The following PTPRD variants were observed in gnomAD, a reference collection of about 807,000 sequenced individuals.
PTPRD encodes the protein receptor-type tyrosine-protein phosphatase delta.
Under a neutral mutation model 214.5 loss-of-function variants are expected in PTPRD, and 34 were observed. That is an observed-to-expected ratio of 0.16 (90% CI 0.12 to 0.21). The LOEUF (loss-of-function observed/expected upper bound fraction) is 0.21. PTPRD is among the 10% of genes least tolerant of loss of function. The probability of loss-of-function intolerance (pLI) is 1.00; values close to 1 mark genes in which losing one functional copy is unlikely to be tolerated. For missense variants in PTPRD, 2,545 were observed against 2,398.7 expected, an observed-to-expected ratio of 1.06 and a Z score of -1.27; for synonymous variants, 1,128 against 845.7, an observed-to-expected ratio of 1.33 and a Z score of -5.79.
chr9:9,780,321 G>C (rs562733012), intron 5 of PTPRD, among the ~76,000 whole-genome samples: 1 of 152,220 alleles, frequency 6.6e-6, no homozygotes, highest in African/African-American at 2.4e-5. Context: ...CTTACTACCT[G>C]AGTGCAATAT....
chr9:8,884,685 A>C (rs1218686827), intron 11 of PTPRD, among the ~76,000 whole-genome samples: 1 of 152,242 alleles, frequency 6.6e-6, no homozygotes, highest in Non-Finnish European at 1.5e-5. Context: ...GCAGTAGGCA[A>C]ATTGAAATCC....
At chr9:10,077,979 C>T (rs898011490) in intron 3 of PTPRD, among the ~76,000 whole-genome samples, 2 of 151,974 alleles carry the variant, frequency 1.3e-5, no homozygotes, top group African/African-American at 4.8e-5. Flanking sequence ...TTTGTATCTC[C>T]TCTACACTTT....
chr9:10,365,208 T>C (rs1004610004), intron 2 of PTPRD, among the ~76,000 whole-genome samples: 3 of 152,164 alleles, frequency 2.0e-5, no homozygotes, highest in African/African-American at 7.2e-5. Context: ...GACAGGCTTT[T>C]TAAAACCACA....
intron 12 of PTPRD, among the ~76,000 whole-genome samples, chr9:8,719,868 A>G (rs1166608958): frequency 1.3e-5 from 2 of 152,224 alleles, no homozygotes; most frequent in Non-Finnish European, 2.9e-5. Context: ...AAAAGAAAAA[A>G]AAAAAACCTT....
chr9:8,375,213 A>T (rs147184736), intron 39 of PTPRD, among the ~76,000 whole-genome samples: 297 of 152,124 alleles, frequency 2.0e-3, no homozygotes, highest in African/African-American at 7.0e-3. Flanking sequence ...CTTAAGAGGC[A>T]CTCAAACAAC....
At chr9:8,327,230 C>T (rs1206361894) in intron 44 of PTPRD, among the ~76,000 whole-genome samples, 1 of 151,738 alleles carries the variant, frequency 6.6e-6, no homozygotes, top group African/African-American at 2.4e-5. Flanking sequence ...TACATTGTGT[C>T]TTTGTTCTCA....
intron 3 of PTPRD, among the ~76,000 whole-genome samples, chr9:10,132,399 T>C (rs1379103405): frequency 1.3e-5 from 2 of 152,102 alleles, no homozygotes; most frequent in Non-Finnish European, 2.9e-5. Flanking sequence ...CTCTTGAAAA[T>C]AATTATTCAC....
intron 10 of PTPRD, among the ~76,000 whole-genome samples, chr9:9,180,029 A>G (rs962571531): frequency 6.6e-6 from 1 of 152,058 alleles, no homozygotes; most frequent in African/African-American, 2.4e-5. Flanking sequence ...CAAGAGTGAA[A>G]AGTTAAGTAT....
chr9:10,074,262 G>T (rs188667270), intron 3 of PTPRD, among the ~76,000 whole-genome samples: 1 of 152,080 alleles, frequency 6.6e-6, no homozygotes, highest in East Asian at 1.9e-4. Context: ...ATCTCTGCAG[G>T]CTCCTATAGT....
intron 12 of PTPRD, among the ~76,000 whole-genome samples, chr9:8,696,903 A>T (rs767376378): frequency 1.5e-4 from 23 of 152,316 alleles, no homozygotes; most frequent in Admixed American, 7.8e-4. Flanking sequence ...AGCTACACAG[A>T]GGTGCACAGA....
At chr9:9,234,668 C>T (rs1053835631) in intron 9 of PTPRD, among the ~76,000 whole-genome samples, 3 of 152,184 alleles carry the variant, frequency 2.0e-5, no homozygotes, top group African/African-American at 7.2e-5. Flanking sequence ...CAAAGTTCCA[C>T]AGATGTAAAG....
intron 3 of PTPRD, among the ~76,000 whole-genome samples, chr9:10,052,945 T>C (rs2097560438): frequency 6.6e-6 from 1 of 152,094 alleles, no homozygotes; most frequent in African/African-American, 2.4e-5. Context: ...TTTTTTATAT[T>C]ATATTTCAAT....
intron 10 of PTPRD, among the ~76,000 whole-genome samples, chr9:9,072,851 A>T (rs1287721842): frequency 6.6e-6 from 1 of 152,200 alleles, no homozygotes; most frequent in African/African-American, 2.4e-5. Flanking sequence ...TATTGATTTC[A>T]CACATAGATT....
intron 7 of PTPRD, among the ~76,000 whole-genome samples, chr9:9,681,847 G>A (rs1411601958): frequency 1.3e-5 from 2 of 151,618 alleles, no homozygotes; most frequent in African/African-American, 4.8e-5. Flanking sequence ...CCCAGCAGAG[G>A]GACTCTACTC....
chr9:9,109,753 T>C (rs1433891076), intron 10 of PTPRD, among the ~76,000 whole-genome samples: 1 of 152,150 alleles, frequency 6.6e-6, no homozygotes, highest in African/African-American at 2.4e-5. Flanking sequence ...TTTCTGCGAA[T>C]GAAATAGAGT....
chr9:9,884,116 C>T (rs1271722591), intron 5 of PTPRD, among the ~76,000 whole-genome samples: 1 of 152,050 alleles, frequency 6.6e-6, no homozygotes, highest in Admixed American at 6.6e-5. Flanking sequence ...GAGAATATGG[C>T]TGATTGTGTT....
At chr9:9,049,302 A>T (rs1018150977) in intron 10 of PTPRD, among the ~76,000 whole-genome samples, 3 of 152,210 alleles carry the variant, frequency 2.0e-5, no homozygotes, top group African/African-American at 7.2e-5. Flanking sequence ...TAATTTTCTC[A>T]TGGAACCCTA....
At chr9:9,896,078 T>A (rs530330867) in intron 5 of PTPRD, among the ~76,000 whole-genome samples, 45 of 152,134 alleles carry the variant, frequency 3.0e-4, no homozygotes, top group African/African-American at 1.1e-3. Flanking sequence ...ACAGATTAAT[T>A]TTTTTCAGCT....
chr9:10,443,980 G>A (rs1350759090), intron 2 of PTPRD, among the ~76,000 whole-genome samples: 1 of 151,418 alleles, frequency 6.6e-6, no homozygotes, highest in East Asian at 1.9e-4. Context: ...CACACTGAGT[G>A]CTGATTGTGG....
Sources: gnomAD v4.1 joint callset for allele counts (sites outside exome capture counted in the v4.1 genomes callset) on GRCh38, gnomAD v4.1.1 for gene constraint, MANE v1.5 for transcripts, NCBI Gene and HGNC (gene_info 2026-07-23, HGNC 2026-07-21) for gene names.